The following LYN variants were observed in gnomAD, a reference collection of about 807,000 sequenced individuals.
The protein encoded by LYN is LYN proto-oncogene, Src family tyrosine kinase, also known as tyrosine-protein kinase Lyn.
In LYN, 12 loss-of-function variants were observed where a neutral mutation model predicts 65.0. That is an observed-to-expected ratio of 0.18 (90% confidence interval 0.12 to 0.30). The LOEUF (loss-of-function observed/expected upper bound fraction) is 0.30, where lower values mean the gene tolerates loss of function less well. Ranked by LOEUF, LYN falls within the 10% of genes least tolerant of loss-of-function variation. The pLI, the probability that LYN is intolerant of heterozygous loss-of-function variation, is 1.00. For missense variants in LYN, 380 were observed against 623.2 expected (o/e 0.61, Z 4.16); for synonymous variants, 222 against 221.2 (o/e 1.00, Z -0.03).
chr8:55,918,620 C>T (rs572449313), intron 1 of LYN, among the ~76,000 whole-genome samples: 13 of 152,064 alleles, frequency 8.5e-5, no homozygotes, highest in Non-Finnish European at 1.6e-4. Context: ...TGACCAGAGC[C>T]CTCCCAGATT....
intron 1 of LYN, among the ~76,000 whole-genome samples, chr8:55,889,715 C>A (rs1804898173): frequency 6.6e-6 from 1 of 152,004 alleles, no homozygotes; most frequent in African/African-American, 2.4e-5. Context: ...AAATGAGTGC[C>A]CAGAAATCAC....
At chr8:55,959,157 G>C (rs551286447) in intron 8 of LYN, among the ~76,000 whole-genome samples, 1 of 152,274 alleles carries the variant, frequency 6.6e-6, no homozygotes, top group African/African-American at 2.4e-5. Flanking sequence ...GTTGTTGGCT[G>C]GTTGGCTTTT....
At chr8:55,947,529 G>T in intron 3 of LYN, 89 bp from the exon 4 acceptor site, 1 of 913,180 alleles carries the variant, frequency 1.1e-6, no homozygotes, top group South Asian at 1.4e-5. Context: ...CCCTCTTAGT[G>T]CTTCCTCTCA....
At chr8:55,890,981 G>A (rs188123367) in intron 1 of LYN, among the ~76,000 whole-genome samples, 1 of 151,860 alleles carries the variant, frequency 6.6e-6, no homozygotes, top group African/African-American at 2.4e-5. Context: ...TACCTGCTGT[G>A]GCCTCCCAAA....
At chr8:55,921,038 G>T (rs971552809) in intron 1 of LYN, among the ~76,000 whole-genome samples, 1 of 152,124 alleles carries the variant, frequency 6.6e-6, no homozygotes, top group Non-Finnish European at 1.5e-5. Context: ...CACATTCTTT[G>T]AATGATCACA....
chr8:55,911,000 G>A (rs1388169702), intron 1 of LYN, among the ~76,000 whole-genome samples: 2 of 144,582 alleles, frequency 1.4e-5, no homozygotes, highest in Admixed American at 7.1e-5. Context: ...GGGTTCAAGC[G>A]ATTCTCCTGC....
At chr8:55,989,551 C>T (rs1808185787) in intron 10 of LYN, among the ~76,000 whole-genome samples, 1 of 152,156 alleles carries the variant, frequency 6.6e-6, no homozygotes, top group African/African-American at 2.4e-5. Context: ...AGCCTACTCA[C>T]ATGGACACTC....
chr8:55,921,114 A>G (rs558393790), intron 1 of LYN, among the ~76,000 whole-genome samples: 2 of 152,346 alleles, frequency 1.3e-5, no homozygotes, highest in South Asian at 2.1e-4. Flanking sequence ...AACGAAAACA[A>G]TTTTGGGAGT....
intron 1 of LYN, among the ~76,000 whole-genome samples, chr8:55,920,369 T>C (rs1022739895): frequency 6.6e-6 from 1 of 152,212 alleles, no homozygotes; most frequent in Non-Finnish European, 1.5e-5. Flanking sequence ...TTGTGCAGAA[T>C]GTCACAGCAA....
rs35663372 is a variant in LYN at position 55,919,022 on chromosome 8, C to CAAAAAAAAAAA, written c.-5-22819_-5-22809dup. On this transcript the variant is annotated intron_variant, in intron 1 of 12. Coordinates refer to ENST00000519728, the MANE Select transcript of LYN (RefSeq NM_002350.4). ...GAGACCATGGGAGACCCTGTCTCTACAAAAAAAAAAAAAAAAAAAAAAAAG... is the reference window on the plus strand; with the variant it reads ...GAGACCATGGGAGACCCTGTCTCTACAAAAAAAAAAAAAAAAAAAAAAAAAAAAAAAAAAAG... Among the ~76,000 whole-genome samples, 3 of 62,752 alleles carry CAAAAAAAAAAA rather than the reference C, an allele frequency of 4.8e-5. 1 individual carries two copies. The highest frequency in any genetic ancestry group is 2.8e-5 in the Non-Finnish European group (1 of 35,750). The allele number at this position is 62,752 out of a possible 152,430, so 41.2% of individuals were successfully genotyped here. A position where few individuals can be genotyped will look rare whatever the true frequency, so the allele number is the denominator to read the frequency against.
intron 1 of LYN, among the ~76,000 whole-genome samples, chr8:55,910,383 G>T (rs974202931): frequency 2.0e-5 from 3 of 152,140 alleles, no homozygotes; most frequent in Admixed American, 6.5e-5. Flanking sequence ...AGTTTTTGTA[G>T]CACCATTTAT....
At chr8:55,965,587 G>A (rs763415828) in intron 8 of LYN, among the ~76,000 whole-genome samples, 1 of 152,060 alleles carries the variant, frequency 6.6e-6, no homozygotes, top group Non-Finnish European at 1.5e-5. Flanking sequence ...AATTAAAATC[G>A]CTCGTAATCA....
At chr8:55,894,972 A>G (rs989080593) in intron 1 of LYN, among the ~76,000 whole-genome samples, 1 of 151,736 alleles carries the variant, frequency 6.6e-6, no homozygotes, top group Admixed American at 6.6e-5. Context: ...TGTGAGCCAC[A>G]GTGCCAAGCC....
At chr8:55,996,246 C>T (rs1808370017) in intron 10 of LYN, among the ~76,000 whole-genome samples, 1 of 151,988 alleles carries the variant, frequency 6.6e-6, no homozygotes, top group Non-Finnish European at 1.5e-5. Context: ...CAGGGAAGGC[C>T]CACGGGGCAG....
At chr8:55,929,339 C>T (rs539780582) in intron 1 of LYN, among the ~76,000 whole-genome samples, 1 of 152,162 alleles carries the variant, frequency 6.6e-6, no homozygotes, top group African/African-American at 2.4e-5. Flanking sequence ...AGAATACAGT[C>T]GGGATGATGC....
Position 55,902,331 on chromosome 8 carries a change from C to CTT in LYN, c.-6+22241_-6+22242dup, listed in dbSNP as rs11424283. Among the ~76,000 whole-genome samples, 333 of 134,060 alleles carry CTT rather than the reference C, an allele frequency of 2.5e-3. 1 individual carries two copies. Among genetic ancestry groups the CTT allele is most frequent in the African/African-American group, 5.5e-3 (200 of 36,486 alleles). The allele number at this position is 134,060 out of a possible 152,430, so 87.9% of individuals were successfully genotyped here. A position where few individuals can be genotyped will look rare whatever the true frequency, so the allele number is the denominator to read the frequency against. ...CCGTAACAGTGTACTTTCTTTCTTTCTTTTTTTTTTTTTTGAGATGGAATT... is the reference window on the plus strand; with the variant it reads ...CCGTAACAGTGTACTTTCTTTCTTTCTTTTTTTTTTTTTTTTGAGATGGAATT... On this transcript the variant is annotated intron_variant, in intron 1 of 12. Transcript: ENST00000519728.
rs749187073 is a variant in LYN, at chr8:55,966,707, C to A, written c.791-8C>A. The A allele has an allele frequency of 9.3e-6, 15 of 1,607,090 alleles. No homozygotes were observed. The Admixed American group carries it at 2.4e-4, about 26-fold the overall frequency. On this transcript the variant is annotated splice_polypyrimidine_tract_variant and splice_region_variant and intron_variant, in intron 8 of 12. Transcript: ENST00000519728. The stretch of plus-strand genomic sequence containing the variant: ...ATAAAGCATGCCCGCCTTCTTTTTT[C>A]TTCCTAGGTTACTATAACAACAGTA...
chr8:55,934,292 A>G (rs1806360427), intron 1 of LYN, among the ~76,000 whole-genome samples: 1 of 152,250 alleles, frequency 6.6e-6, no homozygotes, highest in Non-Finnish European at 1.5e-5. Context: ...GTTGGCAAAC[A>G]GCTTAAGTTT....
chr8:56,009,993 C>T lies in LYN; in HGVS notation c.1422C>T (p.Asp474=). Residue 474 remains aspartate (D), a synonymous_variant, in exon 13 of 13, where the codon GAC becomes GAT. Coordinates refer to ENST00000519728, the MANE Select transcript of LYN (RefSeq NM_002350.4). ...AGAACTGCCCAGATGAGCTCTATGACATTATGAAAATGTGCTGGAAAGAAA... is the reference window on the plus strand; with the variant it reads ...AGAACTGCCCAGATGAGCTCTATGATATTATGAAAATGTGCTGGAAAGAAA... ...RVENCPDELY[D]IMKMCWKEKA... is the part of the protein sequence containing the mutation. 1 of 1,614,080 alleles carries T rather than the reference C, an allele frequency of 6.2e-7. No individual in the cohort carries two copies. The highest frequency in any genetic ancestry group is 8.5e-7 in the Non-Finnish European group (1 of 1,179,962).
Sources: allele counts gnomAD v4.1 joint callset (sites outside exome capture counted in the v4.1 genomes callset), GRCh38; gene constraint gnomAD v4.1.1; transcripts MANE v1.5; gene names NCBI Gene and HGNC (gene_info 2026-07-23, HGNC 2026-07-21).